COL4A2: variants seen among roughly 807,000 people sequenced by gnomAD.
COL4A2 encodes the protein collagen type IV alpha 2 chain, also known as collagen alpha-2(IV) chain.
COL4A2 carries 99 observed loss-of-function variants against 200.2 expected under a neutral mutation model. The ratio of observed to expected loss-of-function variants is 0.49; its 90% CI spans 0.42 to 0.58. The LOEUF (loss-of-function observed/expected upper bound fraction) is 0.58. Ranked by LOEUF, COL4A2 falls within the 20% of genes least tolerant of loss-of-function variation. COL4A2 has a pLI of 0.00. For missense variants in COL4A2, 1,950 were observed against 2,314.1 expected, an observed-to-expected ratio of 0.84 and a Z score of 3.23; for synonymous variants, 897 against 900.6, an observed-to-expected ratio of 1.00 and a Z score of 0.07.
At chr13:110,371,190 C>G (rs1231576449) in intron 4 of COL4A2, among the ~76,000 whole-genome samples, 1 of 152,202 alleles carries the variant, frequency 6.6e-6, no homozygotes, top group Non-Finnish European at 1.5e-5. Context: ...TGCATCCTTT[C>G]CTAGCAGCCG....
chr13:110,376,210 C>A (rs1878231052), intron 4 of COL4A2, among the ~76,000 whole-genome samples: 1 of 152,130 alleles, frequency 6.6e-6, no homozygotes, highest in Non-Finnish European at 1.5e-5. Context: ...TGTATCACTT[C>A]TGATCTGACT....
rs898443428 is a variant in COL4A2, at chr13:110,508,050, T to G, written c.4710T>G (p.Thr1570=). The G allele has an allele frequency of 1.2e-6, 2 of 1,614,074 alleles. No homozygotes were observed. Among genetic ancestry groups the G allele is most frequent in the African/African-American group, 2.7e-5 (2 of 74,938 alleles). ...RNDKSYWLST[T]APLPMMPVAE... The stretch of plus-strand genomic sequence containing the variant: ...ACAAGTCCTACTGGCTCTCTACCAC[T>G]GCGCCGCTGCCCATGATGCCCGTGG... Residue 1570 remains threonine (T), a synonymous_variant, in exon 47 of 48, where the codon ACT becomes ACG. Coordinates refer to ENST00000360467, the MANE Select transcript of COL4A2 (RefSeq NM_001846.4). This position sits in a 1 kb window ranked among gnomAD's most constrained non-coding sequence, Gnocchi z 6.1.
At position 110,508,029 on chromosome 13, in the gene COL4A2, G is replaced by A; in HGVS notation, c.4689G>A (p.Lys1563=). 1.2e-6 allele frequency: 2 copies of A among 1,614,250 alleles called. No homozygotes were observed. The highest frequency in any genetic ancestry group is 1.7e-6 in the Non-Finnish European group (2 of 1,180,044). ...DVCYYASRND[K]SYWLSTTAPL... ...GCTACTATGCCAGCCGGAACGACAAGTCCTACTGGCTCTCTACCACTGCGC... is the reference window on the plus strand; with the variant it reads ...GCTACTATGCCAGCCGGAACGACAAATCCTACTGGCTCTCTACCACTGCGC... The change falls in exon 47 of 48, where the codon AAG becomes AAA. Residue 1563 remains lysine, a synonymous_variant. Coordinates refer to ENST00000360467, the MANE Select transcript of COL4A2 (RefSeq NM_001846.4). This position sits in a 1 kb window ranked among gnomAD's most constrained non-coding sequence, Gnocchi z 6.1.
rs1387017990 is a variant in COL4A2, at chr13:110,480,249, G to A, written c.2617G>A (p.Asp873Asn). ...GCCTGGTGATAGAGGGGACCCTGGG[G>A]ACACAGGCGCTCCTGGCCCTGTGGG... ...GLPGDRGDPG[D>N]TGAPGPVGMK... Residue 873 changes from aspartate to asparagine, a missense_variant, in exon 31 of 48, where the codon GAC becomes AAC. By Grantham distance (23) the Asp-to-Asn change is conservative. Transcript: ENST00000360467. The A allele has an allele frequency of 6.2e-7, 1 of 1,611,436 alleles. No individual in the cohort carries two copies. Among genetic ancestry groups the A allele is most frequent in the South Asian group, 1.1e-5 (1 of 90,684 alleles).
chr13:110,462,930 G>C (rs1368769952), intron 24 of COL4A2: 2 of 155,508 alleles, frequency 1.3e-5, no homozygotes, highest in Non-Finnish European at 2.9e-5. Context: ...GCCAGCTCTG[G>C]AGCATTCTCT....
chr13:110,505,065 T>C (rs1245084990), intron 45 of COL4A2, among the ~76,000 whole-genome samples: 1 of 150,740 alleles, frequency 6.6e-6, no homozygotes, highest in African/African-American at 2.4e-5. Flanking sequence ...AAATTAAACA[T>C]AGGGGCCGGG....
chr13:110,484,459 C>T (rs1246004085), intron 32 of COL4A2, among the ~76,000 whole-genome samples: 1 of 152,124 alleles, frequency 6.6e-6, no homozygotes, highest in African/African-American at 2.4e-5. Context: ...CCCCCGGAGA[C>T]CTCCCTTCCA....
intron 29 of COL4A2, among the ~76,000 whole-genome samples, chr13:110,476,511 T>A (rs1018746308): frequency 6.6e-6 from 1 of 152,216 alleles, no homozygotes. Flanking sequence ...AGCCTGACTC[T>A]CGGTTCTGGG....
intron 3 of COL4A2, among the ~76,000 whole-genome samples, chr13:110,354,994 C>T (rs1481306014): frequency 1.3e-5 from 2 of 152,240 alleles, no homozygotes; most frequent in Non-Finnish European, 2.9e-5. Context: ...CACAAAACAA[C>T]TTACAGAGGG....
intron 20 of COL4A2, among the ~76,000 whole-genome samples, chr13:110,453,641 C>G (rs1383513623): frequency 6.6e-6 from 1 of 152,204 alleles, no homozygotes; most frequent in Non-Finnish European, 1.5e-5. Flanking sequence ...CTTAGTAAAT[C>G]CGTGGTTTAC....
chr13:110,322,735 C>T (rs185861409), intron 3 of COL4A2, among the ~76,000 whole-genome samples: 193 of 152,344 alleles, frequency 1.3e-3, no homozygotes, highest in Non-Finnish European at 2.3e-3. Flanking sequence ...CCCTGCTAGA[C>T]TTCAGGTTGC....
intron 19 of COL4A2, among the ~76,000 whole-genome samples, 155 bp from the exon 20 acceptor site, chr13:110,450,150 G>A (rs1881484061): frequency 6.6e-6 from 1 of 152,176 alleles, no homozygotes. Context: ...TGTTGAAAAA[G>A]GATAATGAAC....
intron 31 of COL4A2, among the ~76,000 whole-genome samples, chr13:110,481,765 TC>T (rs1566559674): frequency 2.4e-3 from 64 of 26,850 alleles, no homozygotes; most frequent in African/African-American, 8.6e-3. Flanking sequence ...CACAGTTCTG[TC>T]CCTCCATTGC....
rs779982597 is a variant in COL4A2, at chr13:110,357,483, G to A, written c.111G>A (p.Lys37=). 14 of 1,591,448 alleles carry A rather than the reference G, an allele frequency of 8.8e-6. No individual in the cohort carries two copies. Among genetic ancestry groups the A allele is most frequent in the Non-Finnish European group, 1.2e-5 (14 of 1,166,710 alleles). ...LAQSVLAGVK[K]FDVPCGGRDC... ...TTTTATTGTTGCAGGGTGTGAAGAA[G>A]TTTGATGTGCCGTGTGGAGGAAGAG... The change falls in exon 4 of 48, where the codon AAG becomes AAA. Residue 37 remains lysine (K), a synonymous_variant. Transcript: ENST00000360467.
chr13:110,339,873 A>G (rs1405138299), intron 3 of COL4A2, among the ~76,000 whole-genome samples: 1 of 152,264 alleles, frequency 6.6e-6, no homozygotes, highest in Admixed American at 6.5e-5. Context: ...CAGAAATGGA[A>G]CAATGGCACT....
intron 28 of COL4A2, 47 bp downstream of exon 28, chr13:110,469,371 A>AT: frequency 6.5e-7 from 1 of 1,527,788 alleles, no homozygotes. Flanking sequence ...TCCAGCGGGA[A>AT]CCTGTGTGTG....
intron 33 of COL4A2, among the ~76,000 whole-genome samples, 154 bp from the exon 34 acceptor site, chr13:110,485,501 C>T (rs893344167): frequency 2.5e-5 from 3 of 118,678 alleles, no homozygotes; most frequent in Non-Finnish European, 4.8e-5. Flanking sequence ...CCAGCCTGGG[C>T]GACAGAGCGA....
Position 110,477,292 on chromosome 13 carries a change from G to A in COL4A2, c.2426-711G>A, listed in dbSNP as rs113436033. 9.7e-4 allele frequency among the ~76,000 whole-genome samples: 147 copies of A among 152,324 alleles called. 1 individual carries two copies. Among genetic ancestry groups the A allele is most frequent in the African/African-American group, 3.4e-3 (142 of 41,572 alleles). ...AGATCATAATGAAGAACAAGCAAGC[G>A]GATCCCCCGACACCACGTTTCACTG... is the stretch of plus-strand genomic sequence containing the variant. On this transcript the variant is annotated intron_variant, in intron 29 of 47. Coordinates refer to ENST00000360467, the MANE Select transcript of COL4A2 (RefSeq NM_001846.4).
chr13:110,480,188 C>T (rs1344869950), intron 30 of COL4A2, 32 bp from the exon 31 acceptor site: 5 of 1,558,796 alleles, frequency 3.2e-6, no homozygotes, highest in Non-Finnish European at 3.5e-6. Flanking sequence ...TGTGTTTGTC[C>T]ACCCTGTTTG....
Sources: gnomAD v4.1 joint callset for allele counts (sites outside exome capture counted in the v4.1 genomes callset) on GRCh38, gnomAD v4.1.1 for gene constraint, Gnocchi (gnomAD v3.1) non-coding constraint, MANE v1.5 for transcripts, NCBI Gene and HGNC (gene_info 2026-07-23, HGNC 2026-07-21) for gene names.